Variants in SSBP3 observed in about 807,000 individuals in gnomAD.
SSBP3 encodes the protein single-stranded DNA-binding protein 3.
Under a neutral mutation model 69.6 loss-of-function variants are expected in SSBP3, and 5 were observed. The observed-to-expected ratio is 0.07, with a 90% CI of 0.04 to 0.15. SSBP3 has a LOEUF of 0.15. Ranked by LOEUF, SSBP3 falls within the 10% of genes least tolerant of loss-of-function variation. SSBP3 has a pLI of 1.00. For synonymous variants in SSBP3, 196 were observed against 193.4 expected (o/e 1.01, Z -0.11); for missense variants, 312 against 534.0 (o/e 0.58, Z 4.10).
intron 17 of SSBP3, among the ~76,000 whole-genome samples, chr1:54,227,850 T>C (rs1452630169): frequency 2.0e-5 from 3 of 152,334 alleles, no homozygotes; most frequent in East Asian, 1.9e-4. Context: ...CAAATGAGAA[T>C]GCACACAGAA....
At chr1:54,250,546 G>A (rs943774253) in intron 9 of SSBP3, among the ~76,000 whole-genome samples, 2 of 152,084 alleles carry the variant, frequency 1.3e-5, no homozygotes, top group Non-Finnish European at 2.9e-5. Context: ...GGGAATGGGG[G>A]GGGGCACTAC....
chr1:54,239,120 C>T lies in SSBP3; in HGVS notation c.927+9G>A, dbSNP rs755038737. 2 of 1,611,392 alleles carry T rather than the reference C, an allele frequency of 1.2e-6. No individual in the cohort carries two copies. The highest frequency in any genetic ancestry group is 1.1e-5 in the South Asian group (1 of 91,012). The stretch of plus-strand genomic sequence containing the variant: ...GTCTGATATGTAAATTATTAGAAAG[C>T]AGACTTACGTTGGACCGGCTGCCTC... On this transcript the variant is annotated intron_variant, in intron 14 of 17. Transcript: ENST00000610401.
chr1:54,250,141 C>T (rs552000359), intron 9 of SSBP3, among the ~76,000 whole-genome samples: 72 of 152,332 alleles, frequency 4.7e-4, no homozygotes, highest in African/African-American at 1.6e-3. Context: ...CAGCTCCAGG[C>T]GGCTGCCAGG....
intron 4 of SSBP3, among the ~76,000 whole-genome samples, chr1:54,305,628 AAAAAAAG>A (rs1245231545): frequency 7.0e-6 from 1 of 142,302 alleles, no homozygotes; most frequent in African/African-American, 2.9e-5. Flanking sequence ...TTAAAAAAAA[AAAAAAAG>A]AGAGAGAGAG....
chr1:54,225,563 C>A, exon 18 of SSBP3: 1 of 589,138 alleles, frequency 1.7e-6, no homozygotes, highest in Non-Finnish European at 2.5e-6. Flanking sequence ...AACACAGAAA[C>A]AGCTACAATG....
chr1:54,226,081 T>G (rs1644281000), exon 18 of SSBP3: 1 of 152,250 alleles, frequency 6.6e-6, no homozygotes, highest in African/African-American at 2.4e-5. Context: ...GGTCACTGTT[T>G]CCATGTCCCA....
intron 14 of SSBP3, among the ~76,000 whole-genome samples, chr1:54,232,159 G>T (rs995780550): frequency 5.3e-5 from 8 of 152,172 alleles, no homozygotes; most frequent in African/African-American, 1.9e-4. Flanking sequence ...GTTAACAGCG[G>T]CAATTAGTAG....
intron 4 of SSBP3, among the ~76,000 whole-genome samples, chr1:54,345,018 CTT>C (rs1646666102): frequency 6.6e-6 from 1 of 152,166 alleles, no homozygotes; most frequent in South Asian, 2.1e-4. Flanking sequence ...TTATATTACA[CTT>C]GTTTCCTCCA....
chr1:54,331,186 C>T lies in SSBP3; in HGVS notation c.277-49659G>A, dbSNP rs182369045. On this transcript the variant is annotated intron_variant, in intron 4 of 17. Coordinates refer to ENST00000610401, the Ensembl canonical transcript of SSBP3. Reference sequence around the variant, plus strand: ...ATATAGAAAGAAGCACAGGTATATGCCTGGCTGGAGAGACAAAGGCGCATT... The same window carrying T: ...ATATAGAAAGAAGCACAGGTATATGTCTGGCTGGAGAGACAAAGGCGCATT... Among the ~76,000 whole-genome samples, 12 of 152,250 alleles carry T rather than the reference C, an allele frequency of 7.9e-5. No individual in the cohort carries two copies. In the East Asian group the frequency reaches 1.9e-3, roughly 25 times the overall value.
intron 14 of SSBP3, 160 bp downstream of exon 14, chr1:54,238,969 C>G (rs552184763): frequency 5.8e-6 from 3 of 513,926 alleles, no homozygotes; most frequent in African/African-American, 4.0e-5. Context: ...GAAATGGGAA[C>G]TGAGTTGCCC....
chr1:54,242,054 T>A, intron 11 of SSBP3, 110 bp downstream of exon 11: 1 of 1,265,174 alleles, frequency 7.9e-7, no homozygotes, highest in Non-Finnish European at 1.1e-6. Flanking sequence ...ATCAGGAGAG[T>A]CCTGCTGCAT....
chr1:54,402,635 G>C (rs1441769677), intron 3 of SSBP3, among the ~76,000 whole-genome samples: 1 of 150,714 alleles, frequency 6.6e-6, no homozygotes, highest in African/African-American at 2.4e-5. Flanking sequence ...GGACAACCAA[G>C]TATCCAGTCC....
At chr1:54,229,500 CT>C (rs1644345379) in intron 14 of SSBP3, among the ~76,000 whole-genome samples, 1 of 152,120 alleles carries the variant, frequency 6.6e-6, no homozygotes, top group South Asian at 2.1e-4. Flanking sequence ...CACCCTGGGA[CT>C]GTGGGGTGGT....
At chr1:54,317,804 C>A (rs1054077085) in intron 4 of SSBP3, among the ~76,000 whole-genome samples, 1 of 152,042 alleles carries the variant, frequency 6.6e-6, no homozygotes, top group African/African-American at 2.4e-5. Context: ...TTGTTCTTGT[C>A]ACCCAGGCTG....
At chr1:54,391,662 G>T (rs926790283) in intron 4 of SSBP3, among the ~76,000 whole-genome samples, 1 of 152,232 alleles carries the variant, frequency 6.6e-6, no homozygotes, top group Non-Finnish European at 1.5e-5. Context: ...CTGTGAAACA[G>T]AAGTGAAATG....
At chr1:54,380,453 C>T (rs1282034359) in intron 4 of SSBP3, among the ~76,000 whole-genome samples, 1 of 152,154 alleles carries the variant, frequency 6.6e-6, no homozygotes, top group Non-Finnish European at 1.5e-5. Context: ...CTTCTGTCCT[C>T]GTGGAAAGAA....
At chr1:54,232,600 CCCACGGTCTCCCTCTCTTT>C (rs1268967711) in intron 14 of SSBP3, among the ~76,000 whole-genome samples, 13 of 152,128 alleles carry the variant, frequency 8.5e-5, no homozygotes, top group East Asian at 3.9e-4. Flanking sequence ...TCTCCCTCTC[CCCACGGTCTCCCTCTCTTT>C]CCACGGTCTC....
exon 18 of SSBP3, chr1:54,226,981 G>C: frequency 1.3e-6 from 1 of 756,720 alleles, no homozygotes; most frequent in Admixed American, 1.7e-5. Context: ...GGGAAAGGTA[G>C]GGGGCGTGGA....
intron 4 of SSBP3, among the ~76,000 whole-genome samples, chr1:54,385,029 G>A (rs1351766835): frequency 1.3e-5 from 2 of 152,162 alleles, no homozygotes; most frequent in South Asian, 2.1e-4. Context: ...GGACAGGGAA[G>A]GACATACTTC....
Sources: gnomAD v4.1 joint callset for allele counts (sites outside exome capture counted in the v4.1 genomes callset) on GRCh38, gnomAD v4.1.1 for gene constraint, MANE v1.5 for transcripts, NCBI Gene and HGNC (gene_info 2026-07-23, HGNC 2026-07-21) for gene names.